SSBP1: variants seen among roughly 807,000 people sequenced by gnomAD.
SSBP1 encodes the protein single-stranded DNA-binding protein, mitochondrial.
Under a neutral mutation model 27.0 loss-of-function variants are expected in SSBP1, and 20 were observed. That is an observed-to-expected ratio of 0.74 (90% CI 0.52 to 1.08). The LOEUF is 1.08. Ranked by LOEUF, SSBP1 falls within the 50% of genes least tolerant of loss-of-function variation. The pLI is 0.00. For synonymous variants in SSBP1, 59 were observed against 59.3 expected (o/e 1.00, Z 0.02); for missense variants, 137 against 182.4 (o/e 0.75, Z 1.44).
intron 2 of SSBP1, chr7:141,741,881 T>G: frequency 1.2e-6 from 1 of 863,134 alleles, no homozygotes; most frequent in Non-Finnish European, 1.5e-6. Context: ...AACACAGAAG[T>G]GCCATAATCA....
chr7:141,746,456 C>T (rs935180559), intron 6 of SSBP1: 1 of 152,358 alleles, frequency 6.6e-6, no homozygotes, highest in African/African-American at 2.4e-5. Context: ...ATCTTCCCAC[C>T]TCAGCCTTCT....
At chr7:141,744,341 C>G (rs374878143) in intron 5 of SSBP1, among the ~76,000 whole-genome samples, 1 of 152,118 alleles carries the variant, frequency 6.6e-6, no homozygotes, top group Non-Finnish European at 1.5e-5. Context: ...CCTCTGTGGC[C>G]GGGGATGCTG....
At chr7:141,740,746 G>A (rs1307120780) in intron 2 of SSBP1, 2 of 152,064 alleles carry the variant, frequency 1.3e-5, no homozygotes, top group Non-Finnish European at 2.9e-5. Context: ...CTTTTTTGAT[G>A]CACTAAAAAC....
At chr7:141,749,232 A>G (rs919974010) in intron 6 of SSBP1, among the ~76,000 whole-genome samples, 1 of 152,224 alleles carries the variant, frequency 6.6e-6, no homozygotes, top group South Asian at 2.1e-4. Context: ...TATAAGAGGA[A>G]GTACATAGGT....
At chr7:141,747,028 C>T (rs978743100) in intron 6 of SSBP1, among the ~76,000 whole-genome samples, 2 of 151,944 alleles carry the variant, frequency 1.3e-5, no homozygotes, top group Non-Finnish European at 2.9e-5. Flanking sequence ...CTTTTTATTA[C>T]CCTGTTTGTA....
chr7:141,746,011 T>TG (rs1799773652), intron 6 of SSBP1: 6 of 980,240 alleles, frequency 6.1e-6, no homozygotes, highest in African/African-American at 1.8e-5. Flanking sequence ...CTATTTGAAA[T>TG]TAAGATTTTT....
In SSBP1 at chr7:141,747,851, A is replaced by T. The variant is rs367757239; in HGVS notation, c.403+2267A>T. 1.1e-3 allele frequency among the ~76,000 whole-genome samples: 163 copies of T among 151,556 alleles called. 1 individual carries two copies. The highest frequency in any genetic ancestry group is 6.8e-3 in the Middle Eastern group (2 of 294). ...TGTCTCTACACAAAATGCAAAAAGT[A>T]GCCGGGTCTAGTAATGCGTGTCTGT... is the stretch of plus-strand genomic sequence containing the variant. On this transcript the variant is annotated intron_variant, in intron 6 of 6. Transcript: ENST00000265304.
At chr7:141,746,695 G>A (rs566072974) in intron 6 of SSBP1, among the ~76,000 whole-genome samples, 18 of 152,274 alleles carry the variant, frequency 1.2e-4, no homozygotes, top group Admixed American at 9.1e-4. Context: ...AGATGTACAC[G>A]TAAAGGTTAA....
At chr7:141,746,733 A>G (rs1462507725) in intron 6 of SSBP1, among the ~76,000 whole-genome samples, 2 of 152,248 alleles carry the variant, frequency 1.3e-5, no homozygotes, top group Admixed American at 1.3e-4. Context: ...TCCCTTAGGA[A>G]AGAGTTTTTA....
chr7:141,742,280 T>C, intron 3 of SSBP1, 51 bp downstream of exon 3: 1 of 1,415,310 alleles, frequency 7.1e-7, no homozygotes, highest in Non-Finnish European at 1.0e-6. Flanking sequence ...AATTTGCCAA[T>C]CTCAAATGTG....
rs369572618 is a variant in SSBP1, at chr7:141,743,250, G to C, written c.86-311G>C. 2.6e-5 allele frequency among the ~76,000 whole-genome samples: 4 copies of C among 152,288 alleles called. No homozygotes were observed. The South Asian group carries it at 8.3e-4, about 32-fold the overall frequency. The stretch of plus-strand genomic sequence containing the variant: ...ACAGCATTTATTTCTCACAGTTCTA[G>C]AGGCTAAAAATCCAAGATTCGTGTG... On this transcript the variant is annotated intron_variant, in intron 3 of 6. Coordinates refer to ENST00000265304, the MANE Select transcript of SSBP1 (RefSeq NM_003143.3).
intron 1 of SSBP1, chr7:141,738,669 G>C (rs890080921): frequency 1.3e-5 from 2 of 152,632 alleles, no homozygotes; most frequent in African/African-American, 4.8e-5. Flanking sequence ...CTTTGTTAAC[G>C]GAGATGAAGG....
chr7:141,743,855 TG>T, intron 4 of SSBP1, 46 bp from the exon 5 acceptor site: 2 of 1,580,082 alleles, frequency 1.3e-6, no homozygotes. Flanking sequence ...TTCCTGGGCA[TG>T]TTGTCTGTTG....
chr7:141,743,429 C>A lies in SSBP1; in HGVS notation c.86-132C>A, dbSNP rs1319695798. On this transcript the variant is annotated intron_variant, in intron 3 of 6. Transcript: ENST00000265304. ...TCATGACGTCATCTAAGCCTAATTA[C>A]CTTTTAAGGATCCCACTTCCAAATA... 2.9e-6 allele frequency: 3 copies of A among 1,046,012 alleles called. No individual in the cohort carries two copies. In the African/African-American group the frequency reaches 4.8e-5, roughly 17 times the overall value. 64.8% of individuals were successfully genotyped at this position (1,046,012 alleles called of 1,614,324 possible). A position where few individuals can be genotyped will look rare whatever the true frequency, so the allele number is the denominator to read the frequency against.
chr7:141,743,410 C>T (rs771598436), intron 3 of SSBP1, 151 bp from the exon 4 acceptor site: 19 of 806,398 alleles, frequency 2.4e-5, no homozygotes, highest in African/African-American at 6.9e-5. Context: ...ACCCTCATGA[C>T]GTCATCTAAG....
intron 6 of SSBP1, 46 bp downstream of exon 6, chr7:141,745,630 C>A: frequency 6.2e-7 from 1 of 1,608,908 alleles, no homozygotes; most frequent in Non-Finnish European, 8.5e-7. Context: ...TTCTCCTTTT[C>A]TTTTTTAAAA....
chr7:141,743,792 A>AAC, intron 4 of SSBP1, 91 bp downstream of exon 4: 1 of 1,544,294 alleles, frequency 6.5e-7, no homozygotes, highest in Non-Finnish European at 8.8e-7. Context: ...AACCACTTTA[A>AAC]ACAAGATCTG....
At position 141,743,679 on chromosome 7, in the gene SSBP1, G is replaced by A. The variant is rs1799657133; in HGVS notation, c.204G>A (p.Gly68=). 1.2e-6 allele frequency: 2 copies of A among 1,614,128 alleles called. No homozygotes were observed. The highest frequency in any genetic ancestry group is 1.7e-6 in the Non-Finnish European group (2 of 1,180,012). Residue 68 remains glycine, a synonymous_variant, in exon 4 of 7, where the codon GGG becomes GGA. Transcript: ENST00000265304. ...CAACTAATGAGATGTGGCGATCAGG[G>A]GATAGTGAAGTTTACCAACTGGGTG... The part of the protein sequence containing the change: ...SLATNEMWRS[G]DSEVYQLGDV...
chr7:141,741,886 T>A, intron 2 of SSBP1: 1 of 836,098 alleles, frequency 1.2e-6, no homozygotes, highest in Non-Finnish European at 1.6e-6. Context: ...AGAAGTGCCA[T>A]AATCAAGGAG....
Sources: gnomAD v4.1 joint callset for allele counts (sites outside exome capture counted in the v4.1 genomes callset) on GRCh38, gnomAD v4.1.1 for gene constraint, MANE v1.5 for transcripts, NCBI Gene and HGNC (gene_info 2026-07-23, HGNC 2026-07-21) for gene names.